The following KLHL1 variants were observed in gnomAD, a reference collection of about 807,000 sequenced individuals.
KLHL1 encodes the protein kelch-like protein 1.
KLHL1 carries 47 observed loss-of-function variants against 77.7 expected under a neutral mutation model. The ratio of observed to expected loss-of-function variants is 0.60; its 90% CI spans 0.48 to 0.77. The LOEUF is 0.77. Among genes scored for constraint, KLHL1 ranks in the 30% least tolerant of loss-of-function variants. KLHL1 has a pLI of 0.00. For synonymous variants in KLHL1, 360 were observed against 325.2 expected (o/e 1.11, Z -1.15); for missense variants, 925 against 910.8 (o/e 1.02, Z -0.20).
In KLHL1 at chr13:70,085,984, C is replaced by T. The variant is rs1466831691; in HGVS notation, c.497+21219G>A. Among the ~76,000 whole-genome samples the T allele has an allele frequency of 2.6e-5, 4 of 152,072 alleles. No individual in the cohort carries two copies. The East Asian group carries it at 5.8e-4, about 22-fold the overall frequency. On this transcript the variant is annotated intron_variant, in intron 1 of 10. Coordinates refer to ENST00000377844, the MANE Select transcript of KLHL1 (RefSeq NM_020866.3). Reference sequence around the variant, plus strand: ...GCTAAGTAAAATTTGCTTTACTTCTCGTTACGTATGTTTTAAATTATATAA... The same window carrying T: ...GCTAAGTAAAATTTGCTTTACTTCTTGTTACGTATGTTTTAAATTATATAA...
chr13:69,828,871 A>C (rs1359282035), intron 6 of KLHL1, among the ~76,000 whole-genome samples: 1 of 149,594 alleles, frequency 6.7e-6, no homozygotes, highest in Non-Finnish European at 1.5e-5. Context: ...AGAGAACCAC[A>C]CCTCCATCCC....
At chr13:69,864,191 C>T (rs1880280818) in intron 5 of KLHL1, among the ~76,000 whole-genome samples, 1 of 151,840 alleles carries the variant, frequency 6.6e-6, no homozygotes, top group African/African-American at 2.4e-5. Flanking sequence ...TGGGTAAAAA[C>T]TGGCATGGTC....
At chr13:70,046,468 T>C (rs1416095247) in intron 1 of KLHL1, among the ~76,000 whole-genome samples, 1 of 151,962 alleles carries the variant, frequency 6.6e-6, no homozygotes, top group Admixed American at 6.6e-5. Context: ...GGTCTATTGT[T>C]TTTGTTTGTT....
At chr13:69,813,731 C>A (rs1163608875) in intron 6 of KLHL1, among the ~76,000 whole-genome samples, 1 of 152,090 alleles carries the variant, frequency 6.6e-6, no homozygotes, top group Non-Finnish European at 1.5e-5. Flanking sequence ...CAAAGCACTG[C>A]TGAAAGAAAT....
rs201977511 is a variant in KLHL1, at chr13:69,961,396, A to G, written c.729T>C (p.Ser243=). 6.2e-7 allele frequency: 1 copy of G among 1,612,974 alleles called. No homozygotes were observed. Among genetic ancestry groups the G allele is most frequent in the East Asian group, 2.2e-5 (1 of 44,770 alleles). Residue 243 remains serine, a synonymous_variant, in exon 3 of 11, where the codon AGT becomes AGC. Coordinates refer to ENST00000377844, the MANE Select transcript of KLHL1 (RefSeq NM_020866.3). ...CCTCTTGCTTGGCTTCACAAACATCACTTGTAAACATGGCCGCAAAATAGT... is the reference window on the plus strand; with the variant it reads ...CCTCTTGCTTGGCTTCACAAACATCGCTTGTAAACATGGCCGCAAAATAGT... ...VSDYFAAMFT[S]DVCEAKQEEI...
chr13:69,742,072 T>C (rs1352614013), intron 7 of KLHL1, among the ~76,000 whole-genome samples: 2 of 152,188 alleles, frequency 1.3e-5, no homozygotes, highest in Non-Finnish European at 2.9e-5. Context: ...TTTTATCTTC[T>C]CTTCCTGATT....
intron 4 of KLHL1, among the ~76,000 whole-genome samples, chr13:69,916,885 T>C (rs1298463213): frequency 2.6e-5 from 4 of 152,038 alleles, no homozygotes; most frequent in Non-Finnish European, 5.9e-5. Flanking sequence ...TATCAGAATA[T>C]TGGTATTTTT....
chr13:69,963,593 ACAG>A (rs1224294672), intron 2 of KLHL1, among the ~76,000 whole-genome samples: 2 of 152,150 alleles, frequency 1.3e-5, no homozygotes, highest in African/African-American at 4.8e-5. Context: ...AACAAGCTGC[ACAG>A]CAGATGTGGC....
At chr13:69,948,465 G>A (rs1883600680) in intron 3 of KLHL1, among the ~76,000 whole-genome samples, 1 of 151,862 alleles carries the variant, frequency 6.6e-6, no homozygotes, top group Non-Finnish European at 1.5e-5. Context: ...TTATAAAATT[G>A]GAGTCACCCT....
At chr13:70,043,402 T>G (rs1430646712) in intron 1 of KLHL1, among the ~76,000 whole-genome samples, 1 of 152,154 alleles carries the variant, frequency 6.6e-6, no homozygotes, top group African/African-American at 2.4e-5. Flanking sequence ...ATCAATTTAT[T>G]ATTGAAGAAA....
intron 1 of KLHL1, among the ~76,000 whole-genome samples, chr13:70,020,219 C>G (rs1885754746): frequency 6.6e-6 from 1 of 152,104 alleles, no homozygotes; most frequent in Non-Finnish European, 1.5e-5. Flanking sequence ...TATATTCTAA[C>G]AGCATCAATA....
intron 1 of KLHL1, among the ~76,000 whole-genome samples, chr13:70,058,654 G>A (rs980617427): frequency 6.6e-6 from 1 of 152,104 alleles, no homozygotes; most frequent in African/African-American, 2.4e-5. Context: ...GCAATCTTTA[G>A]ATTCAACATG....
intron 1 of KLHL1, among the ~76,000 whole-genome samples, chr13:70,043,370 A>G (rs1283961491): frequency 6.6e-6 from 1 of 152,228 alleles, no homozygotes; most frequent in Non-Finnish European, 1.5e-5. Flanking sequence ...TTTATAAGTT[A>G]AGAAAGTTAC....
intron 4 of KLHL1, among the ~76,000 whole-genome samples, chr13:69,926,722 T>A (rs556820117): frequency 6.6e-6 from 1 of 151,252 alleles, no homozygotes; most frequent in Admixed American, 6.6e-5. Flanking sequence ...CTGAGGCGGG[T>A]GGATCACGAG....
chr13:69,895,673 T>G (rs1288349534), intron 4 of KLHL1, among the ~76,000 whole-genome samples: 1 of 151,624 alleles, frequency 6.6e-6, no homozygotes, highest in Non-Finnish European at 1.5e-5. Context: ...GTTCCTTAAT[T>G]TTTGGAATAT....
intron 1 of KLHL1, among the ~76,000 whole-genome samples, chr13:69,994,571 C>A (rs1310195089): frequency 6.6e-6 from 1 of 152,184 alleles, no homozygotes; most frequent in East Asian, 1.9e-4. Flanking sequence ...ATATATCACA[C>A]ATCAAATAAA....
At chr13:69,959,650 A>G (rs1884003779) in intron 3 of KLHL1, among the ~76,000 whole-genome samples, 1 of 123,444 alleles carries the variant, frequency 8.1e-6, no homozygotes, top group South Asian at 2.6e-4. Flanking sequence ...TAGTTTTACA[A>G]CCCGTAACTT....
At chr13:69,878,576 G>A (rs1234842799) in intron 5 of KLHL1, among the ~76,000 whole-genome samples, 1 of 151,720 alleles carries the variant, frequency 6.6e-6, no homozygotes, top group Admixed American at 6.6e-5. Context: ...ATAACATTGT[G>A]TTTTGCTATA....
At chr13:69,956,151 T>C (rs1273101311) in intron 3 of KLHL1, among the ~76,000 whole-genome samples, 1 of 140,660 alleles carries the variant, frequency 7.1e-6, no homozygotes, top group Non-Finnish European at 1.5e-5. Context: ...TATATATTTA[T>C]ATATATTTGA....
Sources: gnomAD v4.1 joint callset for allele counts (sites outside exome capture counted in the v4.1 genomes callset) on GRCh38, gnomAD v4.1.1 for gene constraint, MANE v1.5 for transcripts, NCBI Gene and HGNC (gene_info 2026-07-23, HGNC 2026-07-21) for gene names.